The following CCDC88A variants were observed in gnomAD, a reference collection of about 807,000 sequenced individuals.
CCDC88A encodes the protein coiled-coil and HOOK domain protein 88A, also known as girdin.
Under a neutral mutation model 234.3 loss-of-function variants are expected in CCDC88A, and 54 were observed. That is an observed-to-expected ratio of 0.23 (90% confidence interval 0.19 to 0.29). The LOEUF (loss-of-function observed/expected upper bound fraction) is 0.29. CCDC88A is among the 10% of genes least tolerant of loss of function. The pLI is 1.00. For missense variants in CCDC88A, 1,832 were observed against 2,123.4 expected, an observed-to-expected ratio of 0.86 and a Z score of 2.70; for synonymous variants, 753 against 737.8, an observed-to-expected ratio of 1.02 and a Z score of -0.33.
intron 7 of CCDC88A, among the ~76,000 whole-genome samples, chr2:55,360,267 A>C (rs1671115611): frequency 6.6e-6 from 1 of 152,222 alleles, no homozygotes; most frequent in Admixed American, 6.6e-5. Flanking sequence ...GACTGAAGTG[A>C]AACAATTATA....
chr2:55,411,791 A>AC lies in CCDC88A; in HGVS notation c.164+7024_164+7025insG, dbSNP rs1440293037. Among the ~76,000 whole-genome samples the AC allele has an allele frequency of 2.4e-4, 30 of 126,564 alleles. 1 individual carries two copies. The highest frequency in any genetic ancestry group is 7.1e-3 in the Middle Eastern group (2 of 280). 83.0% of individuals were successfully genotyped at this position (126,564 alleles called of 152,430 possible). ...TAAGACTCCGTCTCAAAAAAAAAAA[A>AC]AAAAAAAAAAAACTCAACATATTGG... On this transcript the variant is annotated intron_variant, in intron 2 of 32. Coordinates refer to ENST00000436346, the MANE Select transcript of CCDC88A (RefSeq NM_001365480.1).
chr2:55,380,500 G>C (rs1416253006), intron 3 of CCDC88A, among the ~76,000 whole-genome samples: 1 of 152,070 alleles, frequency 6.6e-6, no homozygotes, highest in Non-Finnish European at 1.5e-5. Flanking sequence ...TATGGTAATA[G>C]GAAAATAATA....
chr2:55,328,392 T>G lies in CCDC88A; in HGVS notation c.2899A>C (p.Lys967Gln). 6.3e-7 allele frequency: 1 copy of G among 1,591,628 alleles called. No individual in the cohort carries two copies. The highest frequency in any genetic ancestry group is 8.6e-7 in the Non-Finnish European group (1 of 1,167,924). The change falls in exon 17 of 33, where the codon AAG (lysine) becomes CAG (glutamine). Residue 967 changes from lysine (K) to glutamine (Q), a missense_variant. Transcript: ENST00000436346. The surrounding 1 kb of genome is among the most constrained non-coding windows in gnomAD (Gnocchi z 4.3). Reference protein sequence around the residue: ...LESKLESTLKKSLEIKEEKIA... With the variant: ...LESKLESTLKQSLEIKEEKIA... Reference sequence around the variant, plus strand: ...TTTTCTTCTTTTATTTCAAGAGACTTCTTAAGAGTGGATTCTAATTTTGAT... The same window carrying G: ...TTTTCTTCTTTTATTTCAAGAGACTGCTTAAGAGTGGATTCTAATTTTGAT...
At chr2:55,407,021 T>C (rs1679706694) in intron 2 of CCDC88A, among the ~76,000 whole-genome samples, 1 of 152,066 alleles carries the variant, frequency 6.6e-6, no homozygotes, top group African/African-American at 2.4e-5. Context: ...AAGACCAGCC[T>C]GGGAAACAAA....
chr2:55,301,143 A>G (rs1463102769), intron 28 of CCDC88A, 63 bp downstream of exon 28: 5 of 958,702 alleles, frequency 5.2e-6, no homozygotes, highest in Non-Finnish European at 8.2e-6. Context: ...ATTAAAGGCA[A>G]GAGTCCTAGC....
intron 23 of CCDC88A, among the ~76,000 whole-genome samples, chr2:55,311,484 C>T (rs1347205371): frequency 1.3e-5 from 2 of 152,186 alleles, no homozygotes; most frequent in Non-Finnish European, 2.9e-5. Flanking sequence ...GAGGCACAGA[C>T]ATACTACTTC....
At chr2:55,411,350 A>G (rs1325912835) in intron 2 of CCDC88A, among the ~76,000 whole-genome samples, 1 of 152,146 alleles carries the variant, frequency 6.6e-6, no homozygotes, top group Non-Finnish European at 1.5e-5. Context: ...AGGTATAACA[A>G]CTAGTTCACC....
chr2:55,364,382 A>G (rs527933338), intron 5 of CCDC88A: 15 of 159,382 alleles, frequency 9.4e-5, no homozygotes, highest in Non-Finnish European at 1.5e-4. Flanking sequence ...ACTTGCCAAA[A>G]AACACAGTGA....
chr2:55,333,182 AT>A (rs1685125468), intron 15 of CCDC88A, among the ~76,000 whole-genome samples: 1 of 152,206 alleles, frequency 6.6e-6, no homozygotes, highest in Admixed American at 6.5e-5. Context: ...GAAGAAAAAA[AT>A]AAAAGGTCCC....
chr2:55,336,976 G>T, intron 13 of CCDC88A, 158 bp from the exon 14 acceptor site: 1 of 485,098 alleles, frequency 2.1e-6, no homozygotes, highest in Non-Finnish European at 3.6e-6. Flanking sequence ...AGCATTCCAT[G>T]CTAATTTCTG....
Position 55,346,203 on chromosome 2 carries a change from T to A in CCDC88A, c.1013A>T (p.Asp338Val). ...AACTCTTGCCTTATAAAATTCAATA[T>A]CATGTAGTCTCTCTTTATATCTGCT... is the stretch of plus-strand genomic sequence containing the variant. ...EVSRYKERLHDIEFYKARVEE... is the reference protein window; with the variant it reads ...EVSRYKERLHVIEFYKARVEE... The change falls in exon 10 of 33, where the codon GAT becomes GTT. Residue 338 changes from aspartate (D) to valine (V), a missense_variant. Physicochemically the swap from Asp to Val is radical, Grantham distance 152. This residue lies in a region of CCDC88A where 1,282 missense variants were observed against 1,543.6 expected (regional missense o/e 0.83). Coordinates refer to ENST00000436346, the MANE Select transcript of CCDC88A (RefSeq NM_001365480.1). 1 of 1,608,250 alleles carries A rather than the reference T, an allele frequency of 6.2e-7. No individual in the cohort carries two copies. The highest frequency in any genetic ancestry group is 8.5e-7 in the Non-Finnish European group (1 of 1,176,730).
In CCDC88A at chr2:55,296,001, A is replaced by G. The variant is rs754328618; in HGVS notation, c.5147T>C (p.Val1716Ala). 17 of 1,609,448 alleles carry G rather than the reference A, an allele frequency of 1.1e-5. No individual in the cohort carries two copies. The Admixed American group carries it at 2.4e-4, about 23-fold the overall frequency. The change falls in exon 31 of 33, where the codon GTC (valine) becomes GCC (alanine). Residue 1716 changes from valine to alanine, a missense_variant. Val to Ala is a moderately conservative substitution (Grantham distance 64). This residue lies in a region of CCDC88A where 422 missense variants were observed against 416.5 expected (regional missense o/e 1.01). Transcript: ENST00000436346. The stretch of plus-strand genomic sequence containing the variant: ...GTCTTTTCCCAAAAAGTCAGAAGAG[A>G]CAGACAAACTTTTCATTACTTCATC... ...LLDEVMKSLS[V>A]SSDFLGKDKP...
At chr2:55,405,987 G>C (rs1325853961) in intron 2 of CCDC88A, 1 of 151,998 alleles carries the variant, frequency 6.6e-6, no homozygotes, top group Non-Finnish European at 1.5e-5. Context: ...GTGAAACCCC[G>C]TCTCTACTAA....
At chr2:55,302,353 C>T (rs1680996453) in intron 26 of CCDC88A, among the ~76,000 whole-genome samples, 1 of 152,088 alleles carries the variant, frequency 6.6e-6, no homozygotes, top group African/African-American at 2.4e-5. Context: ...GATTGTGCAG[C>T]GATGTGCTAA....
chr2:55,339,516 T>C lies in CCDC88A; in HGVS notation c.1466A>G (p.Asn489Ser), dbSNP rs745899316. 3.9e-5 allele frequency: 62 copies of C among 1,605,362 alleles called. No individual in the cohort carries two copies. The East Asian group carries it at 8.3e-4, about 21-fold the overall frequency. ...TTCCATTTTCAGGATTTTGGAAGCA[T>C]TGCCTTCTACAGAATCCACAGTAGT... ...LRTTVDSVEGNASKILKMEKE... is the reference protein window; with the variant it reads ...LRTTVDSVEGSASKILKMEKE... Residue 489 changes from asparagine (N) to serine (S), a missense_variant, in exon 13 of 33, where the codon AAT becomes AGT. Physicochemically the swap from Asn to Ser is conservative, Grantham distance 46. Around this residue, in one of 6 missense-constraint regions of CCDC88A, gnomAD observed 1,282 missense variants for 1,543.6 expected, o/e 0.83. Transcript: ENST00000436346.
Position 55,317,266 on chromosome 2 carries a change from T to A in CCDC88A, c.3686A>T (p.Glu1229Val). 6.4e-7 allele frequency: 1 copy of A among 1,557,196 alleles called. No individual in the cohort carries two copies. Among genetic ancestry groups the A allele is most frequent in the Non-Finnish European group, 8.7e-7 (1 of 1,148,222 alleles). ...AGCTACTGTTTCATGATTTTTATTT[T>A]CAAGCAGCATTTTTTCCTGTTCTAC... ...LKVEQEKMLL[E>V]NKNHETVAAE... Residue 1229 changes from glutamate (E) to valine (V), a missense_variant, in exon 21 of 33, where the codon GAA (glutamate) becomes GTA (valine). Glu to Val is a moderately radical substitution (Grantham distance 121). Around this residue, in one of 6 missense-constraint regions of CCDC88A, gnomAD observed 1,282 missense variants for 1,543.6 expected, o/e 0.83. Coordinates refer to ENST00000436346, the MANE Select transcript of CCDC88A (RefSeq NM_001365480.1). This position sits in a 1 kb window ranked among gnomAD's most constrained non-coding sequence, Gnocchi z 4.2.
At chr2:55,371,100 T>C (rs1007083222) in intron 5 of CCDC88A, among the ~76,000 whole-genome samples, 2 of 152,190 alleles carry the variant, frequency 1.3e-5, no homozygotes, top group African/African-American at 4.8e-5. Context: ...AAAAACCATA[T>C]TTATGCTATT....
intron 29 of CCDC88A, among the ~76,000 whole-genome samples, 175 bp downstream of exon 29, chr2:55,299,664 T>C (rs1021262571): frequency 6.6e-6 from 1 of 152,246 alleles, no homozygotes; most frequent in African/African-American, 2.4e-5. Context: ...TTTACATTTG[T>C]ATACATTGAA....
chr2:55,339,033 T>G (rs2104703514), intron 13 of CCDC88A: 1 of 154,292 alleles, frequency 6.5e-6, no homozygotes, highest in East Asian at 1.9e-4. Flanking sequence ...CTCAGCTCAC[T>G]TCAACCTCCA....
Sources: allele counts gnomAD v4.1 joint callset (sites outside exome capture counted in the v4.1 genomes callset), GRCh38; gene constraint gnomAD v4.1.1; regional missense constraint gnomAD v4.1.1; non-coding constraint Gnocchi (gnomAD v3.1); transcripts MANE v1.5; gene names NCBI Gene and HGNC (gene_info 2026-07-23, HGNC 2026-07-21).